NXN: variants seen among roughly 807,000 people sequenced by gnomAD.
NXN encodes the protein nucleoredoxin, also known as nucleoredoxin 1.
Under a neutral mutation model 48.6 loss-of-function variants are expected in NXN, and 16 were observed. That is an observed-to-expected ratio of 0.33 (90% confidence interval 0.22 to 0.50). The LOEUF is 0.50. Ranked by LOEUF, NXN falls within the 20% of genes least tolerant of loss-of-function variation. NXN has a pLI of 0.98. For synonymous variants in NXN, 281 were observed against 269.6 expected, an observed-to-expected ratio of 1.04 and a Z score of -0.41; for missense variants, 492 against 605.5, an observed-to-expected ratio of 0.81 and a Z score of 1.97.
chr17:914,745 C>A (rs143018047), intron 1 of NXN, among the ~76,000 whole-genome samples: 2 of 152,208 alleles, frequency 1.3e-5, no homozygotes, highest in African/African-American at 4.8e-5. Flanking sequence ...TAACAGGGAG[C>A]GTACCGTGAT....
chr17:926,767 C>T (rs997116187), intron 1 of NXN, among the ~76,000 whole-genome samples: 1 of 151,264 alleles, frequency 6.6e-6, no homozygotes, highest in East Asian at 2.0e-4. Context: ...TGCTCAAACT[C>T]CTGAGCTCAA....
intron 1 of NXN, among the ~76,000 whole-genome samples, chr17:847,614 C>T (rs993552278): frequency 3.3e-5 from 5 of 152,046 alleles, no homozygotes; most frequent in East Asian, 3.8e-4. Context: ...GAATCGTGTC[C>T]GACACTAAGA....
At chr17:914,064 TA>T (rs1212294076) in intron 1 of NXN, among the ~76,000 whole-genome samples, 1 of 152,024 alleles carries the variant, frequency 6.6e-6, no homozygotes, top group East Asian at 1.9e-4. Context: ...CACACCCAGC[TA>T]ATTTTTGTAT....
intron 1 of NXN, among the ~76,000 whole-genome samples, chr17:925,361 A>G (rs1487943475): frequency 6.6e-6 from 1 of 152,170 alleles, no homozygotes; most frequent in African/African-American, 2.4e-5. Context: ...CCAGGAACAC[A>G]GAGGAGGCTG....
At chr17:858,985 ATG>A (rs1287754625) in intron 1 of NXN, among the ~76,000 whole-genome samples, 5 of 152,200 alleles carry the variant, frequency 3.3e-5, no homozygotes, top group Non-Finnish European at 7.4e-5. Flanking sequence ...GCTCTCTGGC[ATG>A]ATACAAATGG....
chr17:900,913 CTTTTT>C (rs11367844), intron 1 of NXN, among the ~76,000 whole-genome samples: 2,317 of 76,010 alleles, frequency 0.03, 53 homozygotes, highest in East Asian at 0.2. Context: ...GATCTGCATT[CTTTTT>C]TTTTTTTTTT....
Position 931,639 on chromosome 17 carries a change from A to G in NXN, c.360+47680T>C, listed in dbSNP as rs186031093. Among the ~76,000 whole-genome samples, 6 of 146,194 alleles carry G rather than the reference A, an allele frequency of 4.1e-5. No individual in the cohort carries two copies. In the East Asian group the frequency reaches 1.0e-3, roughly 25 times the overall value. ...ATCGTGAGGTCAGGAGATCGAGACC[A>G]TCCCGGCTAACACAGTGAAACCCTG... On this transcript the variant is annotated intron_variant, in intron 1 of 7. Transcript: ENST00000336868.
At chr17:873,596 C>G (rs1253231173) in intron 1 of NXN, among the ~76,000 whole-genome samples, 1 of 151,454 alleles carries the variant, frequency 6.6e-6, no homozygotes, top group Admixed American at 6.6e-5. Context: ...TGAATATCAA[C>G]TTCTTACTGG....
chr17:903,060 G>C (rs1026547410), intron 1 of NXN, among the ~76,000 whole-genome samples: 3 of 147,756 alleles, frequency 2.0e-5, no homozygotes, highest in African/African-American at 7.5e-5. Flanking sequence ...CTGAGCCACC[G>C]CACCCAGCCT....
intron 1 of NXN, among the ~76,000 whole-genome samples, chr17:876,911 G>C (rs1567844470): frequency 6.6e-6 from 1 of 151,894 alleles, no homozygotes; most frequent in Non-Finnish European, 1.5e-5. Context: ...AGCCGGGTAT[G>C]GTGGCGGTCG....
chr17:823,531 TC>T, intron 3 of NXN, 100 bp downstream of exon 3: 1 of 1,392,258 alleles, frequency 7.2e-7, no homozygotes, highest in East Asian at 2.3e-5. Flanking sequence ...GCCGGGAAAT[TC>T]CTGCCTGGGT....
Position 803,792 on chromosome 17 carries a change from C to T in NXN, c.1015G>A (p.Gly339Arg), listed in dbSNP as rs767668963. The change falls in exon 7 of 8, where the codon GGA becomes AGA. Residue 339 changes from glycine to arginine, a missense_variant. Physicochemically the swap from Gly to Arg is moderately radical, Grantham distance 125 (BLOSUM62 -2). Coordinates refer to ENST00000336868, the MANE Select transcript of NXN (RefSeq NM_022463.5). The stretch of plus-strand genomic sequence containing the variant: ...AGCTGCTTGGCCGCCTCGGACTCTC[C>T]GTCATCCTCAGAATCTGTGATTGGG... ...LVLFVDSEDD[G>R]ESEAAKQLIQ... The T allele has an allele frequency of 1.2e-5, 20 of 1,614,064 alleles. No individual in the cohort carries two copies. Among genetic ancestry groups the T allele is most frequent in the African/African-American group, 9.3e-5 (7 of 74,942 alleles).
chr17:927,706 G>A (rs916739486), intron 1 of NXN, among the ~76,000 whole-genome samples: 1 of 151,938 alleles, frequency 6.6e-6, no homozygotes, highest in Non-Finnish European at 1.5e-5. Context: ...AGGAGCAGAA[G>A]GAGGCATACT....
At chr17:862,459 G>A (rs2068050682) in intron 1 of NXN, among the ~76,000 whole-genome samples, 1 of 152,218 alleles carries the variant, frequency 6.6e-6, no homozygotes. Context: ...AGGAGTTAGA[G>A]GCTACAGCGA....
chr17:822,349 C>G lies in NXN; in HGVS notation c.713+8G>C. On this transcript the variant is annotated splice_region_variant and intron_variant, in intron 4 of 7. Transcript: ENST00000336868. The stretch of plus-strand genomic sequence containing the variant: ...AAAAGGGGCCCAGCACTTCACGGCA[C>G]GACTGACCTGTCTGCACTAACGAAG... 6.2e-7 allele frequency: 1 copy of G among 1,606,750 alleles called. No individual in the cohort carries two copies.
chr17:979,252 G>GTGGGGGGCGGGCAGGGGTAACGGGCT (rs2069505118), intron 1 of NXN, 67 bp downstream of exon 1: 3 of 1,239,396 alleles, frequency 2.4e-6, no homozygotes, highest in African/African-American at 3.8e-5. Flanking sequence ...GGTAACGGGC[G>GTGGGGGGCGGGCAGGGGTAACGGGCT]TGGGGGGCGG....
chr17:950,898 CACATTCCTCCCCA>C (rs1321652594), intron 1 of NXN, among the ~76,000 whole-genome samples: 1 of 150,764 alleles, frequency 6.6e-6, no homozygotes, highest in East Asian at 2.0e-4. Context: ...GTAAGAAAGA[CACATTCCTCCCCA>C]AATCTACTTT....
chr17:956,385 T>C lies in NXN; in HGVS notation c.360+22934A>G, dbSNP rs1390397835. ...CACCGTCTTCTGGCCTTTTCCTCTG[T>C]GCCCAGCACTATGTTCAGGGCTTTT... On this transcript the variant is annotated intron_variant, in intron 1 of 7. Coordinates refer to ENST00000336868, the MANE Select transcript of NXN (RefSeq NM_022463.5). The surrounding 1 kb of genome is among the most constrained non-coding windows in gnomAD (Gnocchi z 4.1). Among the ~76,000 whole-genome samples, 2 of 152,154 alleles carry C rather than the reference T, an allele frequency of 1.3e-5. No homozygotes were observed. The highest frequency in any genetic ancestry group is 2.4e-5 in the African/African-American group (1 of 41,436).
chr17:812,050 C>G (rs563717143), intron 5 of NXN, among the ~76,000 whole-genome samples: 1 of 151,228 alleles, frequency 6.6e-6, no homozygotes, highest in Admixed American at 6.6e-5. Flanking sequence ...GCCTCAGCCT[C>G]CCGAGTAGCT....
Sources: gnomAD v4.1 joint callset for allele counts (sites outside exome capture counted in the v4.1 genomes callset) on GRCh38, gnomAD v4.1.1 for gene constraint, Gnocchi (gnomAD v3.1) non-coding constraint, MANE v1.5 for transcripts, NCBI Gene and HGNC (gene_info 2026-07-23, HGNC 2026-07-21) for gene names.